NKAIN2: variants seen among roughly 807,000 people sequenced by gnomAD.
NKAIN2 encodes the protein sodium/potassium-transporting ATPase subunit beta-1-interacting protein 2.
Under a neutral mutation model 32.6 loss-of-function variants are expected in NKAIN2, and 14 were observed. The ratio of observed to expected loss-of-function variants is 0.43; its 90% CI spans 0.28 to 0.67. NKAIN2 has a LOEUF of 0.67. Ranked by LOEUF, NKAIN2 falls within the 30% of genes least tolerant of loss-of-function variation. The pLI is 0.17. For synonymous variants in NKAIN2, 80 were observed against 87.2 expected, an observed-to-expected ratio of 0.92 and a Z score of 0.46; for missense variants, 198 against 258.3, an observed-to-expected ratio of 0.77 and a Z score of 1.60.
intron 1 of NKAIN2, among the ~76,000 whole-genome samples, chr6:123,844,600 G>C (rs1309893465): frequency 1.3e-5 from 2 of 152,168 alleles, no homozygotes; most frequent in Non-Finnish European, 2.9e-5. Flanking sequence ...CACCAGGACA[G>C]ATCTATGAGG....
intron 1 of NKAIN2, among the ~76,000 whole-genome samples, chr6:124,277,437 G>C (rs964185987): frequency 7.6e-6 from 1 of 130,736 alleles, no homozygotes; most frequent in Non-Finnish European, 1.6e-5. Flanking sequence ...TCGTGTGTGT[G>C]TGTGTGTGTG....
chr6:124,532,300 C>G (rs1468187793), intron 3 of NKAIN2, among the ~76,000 whole-genome samples: 3 of 152,094 alleles, frequency 2.0e-5, no homozygotes, highest in African/African-American at 4.8e-5. Context: ...CTCTCCTGTT[C>G]AAGCAAGCAA....
At chr6:124,317,910 G>GT (rs1562487602) in intron 2 of NKAIN2, among the ~76,000 whole-genome samples, 2 of 151,946 alleles carry the variant, frequency 1.3e-5, no homozygotes, top group African/African-American at 2.4e-5. Flanking sequence ...CTTGTAAATA[G>GT]TTTTTTTACT....
intron 3 of NKAIN2, among the ~76,000 whole-genome samples, chr6:124,377,136 A>G (rs1800026955): frequency 6.6e-6 from 1 of 152,226 alleles, no homozygotes; most frequent in East Asian, 1.9e-4. Context: ...AATATCACTA[A>G]AAATGGGTGA....
intron 2 of NKAIN2, among the ~76,000 whole-genome samples, chr6:124,309,691 G>T (rs905352961): frequency 6.6e-6 from 1 of 152,092 alleles, no homozygotes; most frequent in Non-Finnish European, 1.5e-5. Context: ...CATCTCAATT[G>T]TAAGTGGATT....
At chr6:124,375,377 CTA>C (rs918498759) in intron 3 of NKAIN2, among the ~76,000 whole-genome samples, 189 of 144,266 alleles carry the variant, frequency 1.3e-3, no homozygotes, top group African/African-American at 2.2e-3. Context: ...TAGGTACTCA[CTA>C]TATATATATA....
intron 1 of NKAIN2, among the ~76,000 whole-genome samples, chr6:123,942,535 C>T (rs888527254): frequency 6.6e-6 from 1 of 151,978 alleles, no homozygotes; most frequent in Admixed American, 6.6e-5. Flanking sequence ...AAATTTTACC[C>T]TGGAGCTCAG....
chr6:124,778,459 TAATA>T (rs1296444439), intron 4 of NKAIN2, among the ~76,000 whole-genome samples: 3 of 152,032 alleles, frequency 2.0e-5, no homozygotes, highest in Admixed American at 6.5e-5. Flanking sequence ...TGTGTTTCTT[TAATA>T]GAGTCATCAA....
chr6:124,189,502 T>G (rs562299989), intron 1 of NKAIN2, among the ~76,000 whole-genome samples: 1 of 151,948 alleles, frequency 6.6e-6, no homozygotes, highest in Non-Finnish European at 1.5e-5. Context: ...AGTTCGAGAC[T>G]ATCCTGCTAA....
chr6:123,814,759 T>C (rs1455579306), intron 1 of NKAIN2, among the ~76,000 whole-genome samples: 1 of 152,202 alleles, frequency 6.6e-6, no homozygotes, highest in African/African-American at 2.4e-5. Context: ...GCATATTTCC[T>C]ACTGGTAGGC....
At chr6:123,999,754 C>T (rs906725654) in intron 1 of NKAIN2, among the ~76,000 whole-genome samples, 6 of 151,978 alleles carry the variant, frequency 3.9e-5, no homozygotes, top group African/African-American at 4.8e-5. Flanking sequence ...ACATTTCCTG[C>T]GGGGAATGAG....
chr6:123,831,699 A>G (rs2114914257), intron 1 of NKAIN2, among the ~76,000 whole-genome samples: 1 of 141,252 alleles, frequency 7.1e-6, no homozygotes, highest in Non-Finnish European at 1.5e-5. Flanking sequence ...TCTGTCGCCC[A>G]GGCTGGAGTG....
At chr6:124,676,780 T>C (rs1411253544) in intron 4 of NKAIN2, among the ~76,000 whole-genome samples, 2 of 152,146 alleles carry the variant, frequency 1.3e-5, no homozygotes, top group African/African-American at 4.8e-5. Flanking sequence ...TGACAATTTA[T>C]TTAAAGTCTA....
At chr6:124,355,384 G>A (rs141682931) in intron 3 of NKAIN2, 37 bp downstream of exon 3, 373 of 1,145,300 alleles carry the variant, frequency 3.3e-4, no homozygotes, top group Middle Eastern at 1.2e-3. Flanking sequence ...CATCAGTAGG[G>A]TGTTAACAAG....
chr6:124,319,504 G>C (rs1302548287), intron 2 of NKAIN2, among the ~76,000 whole-genome samples: 1 of 152,060 alleles, frequency 6.6e-6, no homozygotes. Context: ...ATTTTTATTA[G>C]TTGTTTGTTT....
intron 3 of NKAIN2, among the ~76,000 whole-genome samples, chr6:124,439,941 G>A (rs538023944): frequency 3.9e-5 from 6 of 152,102 alleles, no homozygotes; most frequent in Admixed American, 2.0e-4. Flanking sequence ...ATTTACTGGA[G>A]CACACTCTCA....
chr6:123,812,604 A>T (rs1345140299), intron 1 of NKAIN2, among the ~76,000 whole-genome samples: 1 of 152,222 alleles, frequency 6.6e-6, no homozygotes, highest in Non-Finnish European at 1.5e-5. Flanking sequence ...TTAGAACTCC[A>T]GAACACCTTG....
chr6:124,049,105 T>A (rs1211876646), intron 1 of NKAIN2, among the ~76,000 whole-genome samples: 1 of 152,048 alleles, frequency 6.6e-6, no homozygotes, highest in African/African-American at 2.4e-5. Flanking sequence ...CCTTGGCAAT[T>A]TTTGCATCAA....
intron 1 of NKAIN2, among the ~76,000 whole-genome samples, chr6:124,005,685 A>T (rs1250287903): frequency 6.6e-6 from 1 of 152,150 alleles, no homozygotes; most frequent in Non-Finnish European, 1.5e-5. Flanking sequence ...AACTCCAACC[A>T]TTTGTTTCCT....
Sources: allele counts gnomAD v4.1 joint callset (sites outside exome capture counted in the v4.1 genomes callset), GRCh38; gene constraint gnomAD v4.1.1; transcripts MANE v1.5; gene names NCBI Gene and HGNC (gene_info 2026-07-23, HGNC 2026-07-21).